The following DNAAF6 variants were observed in gnomAD, a reference collection of about 807,000 sequenced individuals.
The protein encoded by DNAAF6 is PIH1 domain containing 3.
A neutral mutation model predicts 13.7 loss-of-function variants in DNAAF6; 3 were observed. The observed-to-expected ratio is 0.22, with a 90% CI of 0.10 to 0.56. DNAAF6 has a LOEUF of 0.56. Ranked by LOEUF, DNAAF6 falls within the 20% of genes least tolerant of loss-of-function variation. The pLI is 0.92. For synonymous variants in DNAAF6, 54 were observed against 49.2 expected (o/e 1.10, Z -0.41); for missense variants, 130 against 151.0 (o/e 0.86, Z 0.73).
At chrX:107,242,096 A>G (rs1013988462) in intron 6 of DNAAF6, among the ~76,000 whole-genome samples, 1 of 111,947 alleles carries the variant, frequency 8.9e-6, no homozygotes, top group Admixed American at 9.5e-5. Flanking sequence ...TACAGTCTAC[A>G]TTAAAATGCA....
chrX:107,223,278 C>T (rs1229236861), intron 5 of DNAAF6, among the ~76,000 whole-genome samples: 1 of 111,535 alleles, frequency 9.0e-6, no homozygotes, highest in Non-Finnish European at 1.9e-5. Context: ...AATGACTCAG[C>T]TTACAATGTG....
At chrX:107,237,592 A>G (rs780715544) in intron 5 of DNAAF6, among the ~76,000 whole-genome samples, 1 of 112,437 alleles carries the variant, frequency 8.9e-6, no homozygotes, top group African/African-American at 3.2e-5. Context: ...CACTTTCATC[A>G]GTGCTAAAGG....
At chrX:107,219,265 G>A (rs1236367252) in intron 4 of DNAAF6, among the ~76,000 whole-genome samples, 1 of 111,755 alleles carries the variant, frequency 8.9e-6, no homozygotes, top group Admixed American at 9.5e-5. Flanking sequence ...AGCAGTTGGA[G>A]AAAGCCAGCC....
intron 5 of DNAAF6, among the ~76,000 whole-genome samples, chrX:107,231,115 C>T (rs988285099): frequency 2.7e-5 from 3 of 111,141 alleles, no homozygotes; most frequent in African/African-American, 9.8e-5. Flanking sequence ...AATATGAGTA[C>T]GTAATAGAGA....
At chrX:107,210,904 T>C (rs897022807) in intron 1 of DNAAF6, among the ~76,000 whole-genome samples, 1 of 111,618 alleles carries the variant, frequency 9.0e-6, no homozygotes, top group Non-Finnish European at 1.9e-5. Context: ...ACGTTGGGAC[T>C]ATATCCTGAA....
At chrX:107,218,343 G>T (rs1928040672) in intron 3 of DNAAF6, among the ~76,000 whole-genome samples, 1 of 111,988 alleles carries the variant, frequency 8.9e-6, no homozygotes, top group Non-Finnish European at 1.9e-5. Context: ...TGAGAATTAT[G>T]TCATGCTTGC....
At position 107,243,445 on chromosome X, in the gene DNAAF6, T is replaced by C. The variant is rs1928664981; in HGVS notation, c.*147T>C. On this transcript the variant is annotated 3_prime_UTR_variant, in exon 7 of 7. Transcript: ENST00000372453. ...TTCAGTTCTAGTGATATTGTGACCA[T>C]TTACAGTAATTTCTATTACTCTGTT... 1.3e-6 allele frequency: 1 copy of C among 755,957 alleles called. No individual in the cohort carries two copies. The highest frequency in any genetic ancestry group is 1.8e-6 in the Non-Finnish European group (1 of 549,604). The allele number at this position is 755,957 out of a possible 1,213,427, so 62.3% of individuals were successfully genotyped here.
intron 5 of DNAAF6, among the ~76,000 whole-genome samples, chrX:107,224,627 G>C (rs1928215760): frequency 9.0e-6 from 1 of 110,938 alleles, no homozygotes; most frequent in Non-Finnish European, 1.9e-5. Context: ...GCAGTGGGCA[G>C]TGGGAGTTGG....
At chrX:107,239,030 A>G (rs764090135) in intron 6 of DNAAF6, 23 bp downstream of exon 6, 4 of 1,178,601 alleles carry the variant, frequency 3.4e-6, no homozygotes, top group Non-Finnish European at 4.5e-6. Context: ...TAGAACTGGA[A>G]TAGTGTATTA....
chrX:107,228,999 G>C (rs940387549), intron 5 of DNAAF6, among the ~76,000 whole-genome samples: 1 of 109,025 alleles, frequency 9.2e-6, no homozygotes, highest in Admixed American at 9.9e-5. Context: ...TAGTCCTCAA[G>C]AATGAAGAGT....
At chrX:107,232,011 C>A (rs1052640598) in intron 5 of DNAAF6, among the ~76,000 whole-genome samples, 10 of 110,944 alleles carry the variant, frequency 9.0e-5, no homozygotes, top group African/African-American at 3.3e-4. Context: ...GTGCATGCCA[C>A]CACACCTGGC....
chrX:107,216,279 C>G (rs1927980613), intron 2 of DNAAF6, among the ~76,000 whole-genome samples: 1 of 111,676 alleles, frequency 9.0e-6, no homozygotes, highest in Non-Finnish European at 1.9e-5. Context: ...ATACTCTGTC[C>G]TCCATCTGAC....
At chrX:107,216,356 C>T (rs763655911) in intron 2 of DNAAF6, among the ~76,000 whole-genome samples, 2 of 111,780 alleles carry the variant, frequency 1.8e-5, no homozygotes, top group Non-Finnish European at 3.8e-5. Context: ...TTCTAACCTT[C>T]ATAGAGATGA....
In DNAAF6 at chrX:107,243,988, G is replaced by A. The variant is rs1281617197; in HGVS notation, c.*690G>A. The A allele has an allele frequency of 8.9e-6, 1 of 112,457 alleles. No homozygotes were observed. The highest frequency in any genetic ancestry group is 1.9e-5 in the Non-Finnish European group (1 of 53,267). 9.3% of individuals were successfully genotyped at this position (112,457 alleles called of 1,213,427 possible). A position where few individuals can be genotyped will look rare whatever the true frequency, so the allele number is the denominator to read the frequency against. ...AGTGTTCTCTGTTTAGGCTCTCACT[G>A]TTGTTCTGGAATATACAGGTAATAA... On this transcript the variant is annotated 3_prime_UTR_variant, in exon 7 of 7. Coordinates refer to ENST00000372453, the MANE Select transcript of DNAAF6 (RefSeq NM_173494.2).
chrX:107,209,860 T>A (rs1927811593), intron 1 of DNAAF6, among the ~76,000 whole-genome samples: 1 of 112,384 alleles, frequency 8.9e-6, no homozygotes, highest in Non-Finnish European at 1.9e-5. Context: ...TTTTCTACAA[T>A]TAACTGATGT....
intron 3 of DNAAF6, among the ~76,000 whole-genome samples, chrX:107,217,022 T>C (rs763685485): frequency 9.0e-6 from 1 of 111,384 alleles, no homozygotes; most frequent in South Asian, 3.8e-4. Flanking sequence ...ATATATACAA[T>C]TTTTATTTGT....
At chrX:107,216,771 T>G (rs751820040) in intron 3 of DNAAF6, 28 bp downstream of exon 3, 1 of 1,042,217 alleles carries the variant, frequency 9.6e-7, no homozygotes, top group Admixed American at 2.5e-5. Context: ...GCAATATAGA[T>G]CAATATAATC....
At chrX:107,220,205 A>T (rs1306786041) in intron 4 of DNAAF6, among the ~76,000 whole-genome samples, 5 of 112,413 alleles carry the variant, frequency 4.4e-5, no homozygotes, top group African/African-American at 1.6e-4. Flanking sequence ...AATTAACTAG[A>T]AAGAAGTATC....
At chrX:107,220,937 TTC>T (rs755762335) in intron 4 of DNAAF6, among the ~76,000 whole-genome samples, 3 of 84,410 alleles carry the variant, frequency 3.6e-5, no homozygotes, top group African/African-American at 1.5e-4. Flanking sequence ...CTTTCTTTCT[TTC>T]TTTCTTTCTT....
Sources: gnomAD v4.1 joint callset for allele counts (sites outside exome capture counted in the v4.1 genomes callset) on GRCh38, gnomAD v4.1.1 for gene constraint, MANE v1.5 for transcripts, NCBI Gene and HGNC (gene_info 2026-07-23, HGNC 2026-07-21) for gene names.